The following ADCY7 variants were observed in gnomAD, a reference collection of about 807,000 sequenced individuals.
The protein encoded by ADCY7 is adenylate cyclase 7.
ADCY7 carries 72 observed loss-of-function variants against 120.6 expected under a neutral mutation model. That is an observed-to-expected ratio of 0.60 (90% CI 0.49 to 0.73). ADCY7 has a LOEUF of 0.73. ADCY7 is among the 30% of genes least tolerant of loss of function. ADCY7 has a pLI of 0.00. For synonymous variants in ADCY7, 661 were observed against 628.0 expected (o/e 1.05, Z -0.78); for missense variants, 1,227 against 1,486.0 (o/e 0.83, Z 2.87).
intron 20 of ADCY7, 88 bp downstream of exon 20, chr16:50,311,874 A>G (rs2036503797): frequency 1.5e-6 from 2 of 1,363,282 alleles, no homozygotes; most frequent in East Asian, 3.1e-5. Flanking sequence ...GGGTGGGCTC[A>G]GGTGGAGTAG....
At chr16:50,308,007 A>AC (rs1281513392) in intron 15 of ADCY7, among the ~76,000 whole-genome samples, 1 of 151,972 alleles carries the variant, frequency 6.6e-6, no homozygotes, top group Admixed American at 6.6e-5. Context: ...AAAAAAAAAA[A>AC]AAAAAAAAAC....
upstream of ADCY7, among the ~76,000 whole-genome samples, chr16:50,262,398 A>G (rs2033082332): frequency 6.6e-6 from 1 of 151,650 alleles, no homozygotes; most frequent in African/African-American, 2.4e-5. Context: ...GCTGGGATTC[A>G]GGTGCCCGCC....
At chr16:50,296,394 C>G (rs1445965003) in intron 7 of ADCY7, among the ~76,000 whole-genome samples, 1 of 142,976 alleles carries the variant, frequency 7.0e-6, no homozygotes, top group African/African-American at 2.6e-5. Context: ...GAGTCTTGCT[C>G]TGTTGCCCAG....
rs777705629 is a variant in ADCY7 at position 50,309,558 on chromosome 16, C to T, written c.2072C>T (p.Pro691Leu). 1 of 1,613,982 alleles carries T rather than the reference C, an allele frequency of 6.2e-7. No individual in the cohort carries two copies. Among genetic ancestry groups the T allele is most frequent in the Non-Finnish European group, 8.5e-7 (1 of 1,179,952 alleles). The part of the protein sequence containing the change: ...TVAIINLPLM[P>L]FQVPELPVGN... ...CTGTCTCCTCTACAGCCCCTGATGC[C>T]TTTCCAAGTTCCAGAGCTGCCTGTT... Residue 691 changes from proline to leucine, a missense_variant, in exon 18 of 26, where the codon CCT becomes CTT. This residue lies in a region of ADCY7 where 267 missense variants were observed against 270.0 expected (regional missense o/e 0.99). Transcript: ENST00000673801.
intron 12 of ADCY7, among the ~76,000 whole-genome samples, 191 bp downstream of exon 12, chr16:50,305,150 C>T (rs1381319929): frequency 6.6e-6 from 1 of 152,236 alleles, no homozygotes; most frequent in Non-Finnish European, 1.5e-5. Flanking sequence ...TGCATGGCCA[C>T]ATGATGGAGC....
intron 17 of ADCY7, 159 bp downstream of exon 17, chr16:50,308,951 A>C: frequency 1.1e-6 from 1 of 888,250 alleles, no homozygotes; most frequent in South Asian, 2.5e-5. Context: ...AGGGCTCCTC[A>C]CCTTTGGGTT....
Position 50,315,341 on chromosome 16 carries a change from GTCTC to G in ADCY7, c.3097-14_3097-11del, listed in dbSNP as rs772993494. ...TTCTTCCCGCCTCTGAAGACAACAGGTCTCTCTTCCTTTTCAGGTTACCGAGGAG... is the reference window on the plus strand; with the variant it reads ...TTCTTCCCGCCTCTGAAGACAACAGGTCTTCCTTTTCAGGTTACCGAGGAG... On this transcript the variant is annotated splice_polypyrimidine_tract_variant and intron_variant, in intron 25 of 25. Coordinates refer to ENST00000673801, the MANE Select transcript of ADCY7 (RefSeq NM_001114.5). 4.4e-6 allele frequency: 7 copies of G among 1,600,850 alleles called. No individual in the cohort carries two copies. The highest frequency in any genetic ancestry group is 6.0e-6 in the Non-Finnish European group (7 of 1,169,050).
intron 1 of ADCY7, among the ~76,000 whole-genome samples, chr16:50,268,037 G>A (rs144778353): frequency 1.3e-4 from 20 of 152,250 alleles, no homozygotes; most frequent in African/African-American, 4.8e-4. Flanking sequence ...GCCCTCAGAA[G>A]GGCAGGTGTG....
chr16:50,265,444 A>G (rs1356191708), upstream of ADCY7, among the ~76,000 whole-genome samples: 1 of 152,200 alleles, frequency 6.6e-6, no homozygotes, highest in Non-Finnish European at 1.5e-5. Context: ...GGGGCCTGGC[A>G]CAGAGACAGC....
chr16:50,311,272 A>G (rs2036439764), intron 19 of ADCY7, among the ~76,000 whole-genome samples: 1 of 152,086 alleles, frequency 6.6e-6, no homozygotes, highest in Non-Finnish European at 1.5e-5. Context: ...CTGGGTCCCA[A>G]GTGGATTAAG....
rs1017546691 is a variant in ADCY7, at chr16:50,300,882, G to C, written c.1235+9G>C. On this transcript the variant is annotated intron_variant, in intron 9 of 25. Coordinates refer to ENST00000673801, the MANE Select transcript of ADCY7 (RefSeq NM_001114.5). ...GCAGCCGGAGTACCCGGGTGAGGCT[G>C]GGCTGGGTAGCCGCAGGGACAGAGG... The C allele has an allele frequency of 1.3e-6, 2 of 1,554,058 alleles. No individual in the cohort carries two copies. The highest frequency in any genetic ancestry group is 1.7e-6 in the Non-Finnish European group (2 of 1,148,486).
Position 50,304,912 on chromosome 16 carries a change from C to T in ADCY7, c.1561-13C>T, listed in dbSNP as rs751780388. On this transcript the variant is annotated splice_polypyrimidine_tract_variant and intron_variant, in intron 11 of 25. Transcript: ENST00000673801. ...TGGGGAATGACTGTATCCTTTCCTC[C>T]CTTCCCTTTCAGAGCGTTCCCCAGC... 3.1e-6 allele frequency: 5 copies of T among 1,613,752 alleles called. No individual in the cohort carries two copies. The East Asian group carries it at 6.7e-5, about 22-fold the overall frequency.
chr16:50,282,328 C>T (rs1331918769), intron 1 of ADCY7, among the ~76,000 whole-genome samples: 2 of 152,222 alleles, frequency 1.3e-5, no homozygotes, highest in Non-Finnish European at 2.9e-5. Flanking sequence ...AGGGACCTGG[C>T]CCTGCAGTTG....
intron 1 of ADCY7, among the ~76,000 whole-genome samples, chr16:50,285,092 G>T (rs1259030448): frequency 1.3e-5 from 2 of 152,234 alleles, no homozygotes; most frequent in Admixed American, 1.3e-4. Flanking sequence ...TTTAGATTTA[G>T]AGGTTGTAAA....
Position 50,299,138 on chromosome 16 carries a change from C to T in ADCY7, c.1076+107C>T, listed in dbSNP as rs114606879. On this transcript the variant is annotated intron_variant, in intron 8 of 25. Transcript: ENST00000673801. ...TGTCACAGATGGGGAAACTGAGGCT[C>T]GGGGGGTTGGGGGTGAAAGCAGCTT... is the stretch of plus-strand genomic sequence containing the variant. 759 of 1,402,048 alleles carry T rather than the reference C, an allele frequency of 5.4e-4. 5 individuals carry two copies. In the African/African-American group the frequency reaches 9.7e-3, roughly 18 times the overall value. The allele number at this position is 1,402,048 out of a possible 1,614,324, so 86.9% of individuals were successfully genotyped here.
chr16:50,301,242 G>A (rs201586349), intron 10 of ADCY7, 28 bp downstream of exon 10: 240 of 1,557,462 alleles, frequency 1.5e-4, no homozygotes, highest in African/African-American at 4.5e-4. Context: ...CCGCAGCTGG[G>A]GGGGACCCGG....
intron 18 of ADCY7, 51 bp from the exon 19 acceptor site, chr16:50,310,636 G>GA (rs748636057): frequency 2.3e-4 from 362 of 1,605,792 alleles, no homozygotes; most frequent in Non-Finnish European, 2.9e-4. Context: ...GGCTGGAGGC[G>GA]AGAGTACGTG....
At chr16:50,260,580 G>A (rs1308542870) in intron 1 of ADCY7, among the ~76,000 whole-genome samples, 1 of 152,168 alleles carries the variant, frequency 6.6e-6, no homozygotes, top group Admixed American at 6.5e-5. Context: ...CATAATTTCT[G>A]TAGGTCAGGA....
intron 4 of ADCY7, among the ~76,000 whole-genome samples, chr16:50,292,302 T>G (rs9936021): frequency 0.22 from 33,191 of 152,140 alleles, 3,862 homozygotes; most frequent in Non-Finnish European, 0.26. Flanking sequence ...AATTATTGGG[T>G]GTTTAGAGAA....
Sources: allele counts gnomAD v4.1 joint callset (sites outside exome capture counted in the v4.1 genomes callset), GRCh38; gene constraint gnomAD v4.1.1; regional missense constraint gnomAD v4.1.1; transcripts MANE v1.5; gene names NCBI Gene and HGNC (gene_info 2026-07-23, HGNC 2026-07-21).